Variants in SLC45A4 observed in about 807,000 individuals in gnomAD.
SLC45A4 encodes solute carrier family 45 member 4.
SLC45A4 carries 32 observed loss-of-function variants against 63.7 expected under a neutral mutation model. That is an observed-to-expected ratio of 0.50 (90% CI 0.38 to 0.67). The LOEUF (loss-of-function observed/expected upper bound fraction) is 0.67. SLC45A4 is among the 30% of genes least tolerant of loss of function. The pLI is 0.00. For missense variants in SLC45A4, 1,027 were observed against 1,157.7 expected, an observed-to-expected ratio of 0.89 and a Z score of 1.64; for synonymous variants, 535 against 510.0, an observed-to-expected ratio of 1.05 and a Z score of -0.66.
chr8:141,259,342 G>A (rs1040765994), intron 1 of SLC45A4, among the ~76,000 whole-genome samples: 48 of 152,314 alleles, frequency 3.2e-4, no homozygotes, highest in African/African-American at 1.0e-3. Flanking sequence ...ACGTTCAGCC[G>A]TGCACACAGG....
At chr8:141,248,223 C>T (rs1200760607) in intron 2 of SLC45A4, among the ~76,000 whole-genome samples, 1 of 152,162 alleles carries the variant, frequency 6.6e-6, no homozygotes, top group East Asian at 1.9e-4. Context: ...ATATTTGATA[C>T]ACCAAATTTC....
At chr8:141,271,901 C>A (rs1222517244) in intron 1 of SLC45A4, among the ~76,000 whole-genome samples, 2 of 152,048 alleles carry the variant, frequency 1.3e-5, no homozygotes, top group African/African-American at 4.8e-5. Context: ...CCTGCGTACA[C>A]ATACATGCGC....
chr8:141,228,737 C>T (rs1038609272), intron 2 of SLC45A4, among the ~76,000 whole-genome samples: 2 of 152,218 alleles, frequency 1.3e-5, no homozygotes, highest in African/African-American at 2.4e-5. Flanking sequence ...CAGGCCATGT[C>T]CTGCAGCCCT....
chr8:141,216,985 G>T, intron 6 of SLC45A4, 105 bp downstream of exon 6: 1 of 1,158,236 alleles, frequency 8.6e-7, no homozygotes, highest in Non-Finnish European at 1.3e-6. Flanking sequence ...AGAAGTCAGT[G>T]CGACTGATGG....
intron 2 of SLC45A4, among the ~76,000 whole-genome samples, chr8:141,223,212 GCACACAA>G (rs1826763981): frequency 1.3e-5 from 2 of 152,292 alleles, no homozygotes; most frequent in East Asian, 3.9e-4. Flanking sequence ...CCTTTGCACT[GCACACAA>G]CTTCAGGAAG....
intron 1 of SLC45A4, among the ~76,000 whole-genome samples, chr8:141,255,592 T>C (rs1828736189): frequency 6.6e-6 from 1 of 152,094 alleles, no homozygotes; most frequent in Non-Finnish European, 1.5e-5. Flanking sequence ...GGCGGGCGCC[T>C]GTAATACCAG....
At chr8:141,284,316 G>C (rs1178463100) in intron 1 of SLC45A4, among the ~76,000 whole-genome samples, 1 of 152,208 alleles carries the variant, frequency 6.6e-6, no homozygotes, top group Non-Finnish European at 1.5e-5. Flanking sequence ...CACAGGGCCA[G>C]GGTGGCAGTG....
At chr8:141,285,676 G>A (rs574408656) in intron 1 of SLC45A4, among the ~76,000 whole-genome samples, 1 of 152,352 alleles carries the variant, frequency 6.6e-6, no homozygotes, top group African/African-American at 2.4e-5. Context: ...CTGGGATAAC[G>A]AGGACCAACA....
At chr8:141,237,101 C>G (rs895740949) in intron 2 of SLC45A4, among the ~76,000 whole-genome samples, 1 of 151,928 alleles carries the variant, frequency 6.6e-6, no homozygotes, top group African/African-American at 2.4e-5. Context: ...AAAATTATAG[C>G]GATCTAGTAA....
chr8:141,268,997 G>A (rs974608264), intron 1 of SLC45A4, among the ~76,000 whole-genome samples: 46 of 152,228 alleles, frequency 3.0e-4, no homozygotes, highest in Non-Finnish European at 5.9e-5. Context: ...AGCGCCTCAC[G>A]TGGATCAGTG....
chr8:141,232,242 G>A (rs1300509375), intron 2 of SLC45A4, among the ~76,000 whole-genome samples: 1 of 152,222 alleles, frequency 6.6e-6, no homozygotes, highest in Admixed American at 6.5e-5. Flanking sequence ...TCCATCACAC[G>A]CCAGCCCCGC....
At chr8:141,305,080 C>T (rs1830859325) in intron 1 of SLC45A4, among the ~76,000 whole-genome samples, 1 of 152,144 alleles carries the variant, frequency 6.6e-6, no homozygotes, top group Non-Finnish European at 1.5e-5. Flanking sequence ...AGAGGTCTCC[C>T]GGTCCTCTGA....
chr8:141,235,399 A>G (rs1391286622), intron 2 of SLC45A4, among the ~76,000 whole-genome samples: 1 of 152,194 alleles, frequency 6.6e-6, no homozygotes, highest in Non-Finnish European at 1.5e-5. Context: ...CAGTTAAATC[A>G]TGCTCGGCTG....
intron 2 of SLC45A4, among the ~76,000 whole-genome samples, chr8:141,251,605 T>C (rs892419638): frequency 6.6e-6 from 1 of 151,936 alleles, no homozygotes; most frequent in African/African-American, 2.4e-5. Flanking sequence ...GTCTCCTACG[T>C]CCGAGCCCCC....
At chr8:141,242,454 T>G (rs893633627) in intron 2 of SLC45A4, among the ~76,000 whole-genome samples, 1 of 152,082 alleles carries the variant, frequency 6.6e-6, no homozygotes, top group African/African-American at 2.4e-5. Flanking sequence ...TTTAGACCAG[T>G]GGGGGAAGTG....
intron 2 of SLC45A4, among the ~76,000 whole-genome samples, chr8:141,223,561 G>C (rs746357959): frequency 4.6e-5 from 7 of 152,210 alleles, no homozygotes; most frequent in Non-Finnish European, 8.8e-5. Flanking sequence ...TGCGGAGCCT[G>C]TGTGCGGTCC....
At position 141,212,525 on chromosome 8, in the gene SLC45A4, C is replaced by T. The variant is rs1487480761; in HGVS notation, c.1973G>A (p.Arg658Gln). 2 of 1,609,902 alleles carry T rather than the reference C, an allele frequency of 1.2e-6. No homozygotes were observed. Among genetic ancestry groups the T allele is most frequent in the East Asian group, 2.2e-5 (1 of 44,760 alleles). ...YIHHSPGNSK[R>Q]GFGIDCAILS... ...GATGGCACAATCTATGCCAAACCCT[C>T]GCTTGGAGTTCCCGGGGCTGTGGTG... Residue 658 changes from arginine (R) to glutamine (Q), a missense_variant, in exon 8 of 9, where the codon CGA (arginine) becomes CAA (glutamine). By Grantham distance (43) the Arg-to-Gln change is conservative (BLOSUM62 1). Coordinates refer to ENST00000517878, the MANE Select transcript of SLC45A4 (RefSeq NM_001286646.2).
chr8:141,300,030 C>T (rs1729268193), intron 1 of SLC45A4, among the ~76,000 whole-genome samples: 1 of 152,156 alleles, frequency 6.6e-6, no homozygotes, highest in Non-Finnish European at 1.5e-5. Context: ...CTTCTCCTCA[C>T]CCATCCCTGG....
At position 141,232,703 on chromosome 8, in the gene SLC45A4, GAACACAGACATTCAGTGGCTC is replaced by G. The variant is rs1449085582; in HGVS notation, c.242-10959_242-10939del. On this transcript the variant is annotated intron_variant, in intron 2 of 8. Transcript: ENST00000517878. ...GGTGAGCGCTCACCAGCTGCAACGG[GAACACAGACATTCAGTGGCTC>G]AACACAGACATTCAGTGGCTCCCAG... Among the ~76,000 whole-genome samples, 22 of 144,814 alleles carry G rather than the reference GAACACAGACATTCAGTGGCTC, an allele frequency of 1.5e-4. No individual in the cohort carries two copies. In the South Asian group the frequency reaches 2.6e-3, roughly 17 times the overall value.
Sources: allele counts gnomAD v4.1 joint callset (sites outside exome capture counted in the v4.1 genomes callset), GRCh38; gene constraint gnomAD v4.1.1; transcripts MANE v1.5; gene names NCBI Gene and HGNC (gene_info 2026-07-23, HGNC 2026-07-21).